Variants in IMMP2L observed in about 807,000 individuals in gnomAD.
The protein encoded by IMMP2L is mitochondrial inner membrane protease subunit 2.
In IMMP2L, 18 loss-of-function variants were observed where a neutral mutation model predicts 19.3. That is an observed-to-expected ratio of 0.93 (90% CI 0.64 to 1.38). The LOEUF (loss-of-function observed/expected upper bound fraction) is 1.38, where lower values mean the gene tolerates loss of function less well. IMMP2L is among the 40% of genes most tolerant of loss of function. The pLI is 0.00. For missense variants in IMMP2L, 233 were observed against 218.2 expected (o/e 1.07, Z -0.43); for synonymous variants, 76 against 73.0 (o/e 1.04, Z -0.21).
At chr7:110,974,056 G>A (rs1216232194) in intron 3 of IMMP2L, among the ~76,000 whole-genome samples, 3 of 152,068 alleles carry the variant, frequency 2.0e-5, no homozygotes, top group Non-Finnish European at 4.4e-5. Context: ...ACCATTAATA[G>A]TCCTCAAATA....
intron 3 of IMMP2L, among the ~76,000 whole-genome samples, chr7:111,284,717 G>C (rs111733749): frequency 0.016 from 2,449 of 152,258 alleles, 65 homozygotes; most frequent in African/African-American, 0.054. Flanking sequence ...TGTTGCCATA[G>C]AGGAAAGAAA....
In IMMP2L at chr7:111,113,915, C is replaced by T. The variant is rs903034441; in HGVS notation, c.240-150350G>A. On this transcript the variant is annotated intron_variant, in intron 3 of 5. Coordinates refer to ENST00000405709, the MANE Select transcript of IMMP2L (RefSeq NM_032549.4). Reference sequence around the variant, plus strand: ...ATGAGCTTTTAGAGACCAAAACTTACGAGAGAATAAGGAAAGCATATTTGG... The same window carrying T: ...ATGAGCTTTTAGAGACCAAAACTTATGAGAGAATAAGGAAAGCATATTTGG... 3.9e-5 allele frequency among the ~76,000 whole-genome samples: 6 copies of T among 152,198 alleles called. No individual in the cohort carries two copies. The South Asian group carries it at 6.2e-4, about 16-fold the overall frequency.
At chr7:110,768,358 T>G (rs998704072) in intron 5 of IMMP2L, among the ~76,000 whole-genome samples, 4 of 141,324 alleles carry the variant, frequency 2.8e-5, no homozygotes, top group East Asian at 2.1e-4. Flanking sequence ...AAGGCTGGAG[T>G]GATAAGAAGC....
At chr7:110,751,303 A>C (rs1797702537) in intron 5 of IMMP2L, among the ~76,000 whole-genome samples, 1 of 152,182 alleles carries the variant, frequency 6.6e-6, no homozygotes, top group East Asian at 1.9e-4. Context: ...AAATTTTAAA[A>C]AGAAAAATAT....
At chr7:110,916,213 G>C (rs2129549528) in intron 4 of IMMP2L, among the ~76,000 whole-genome samples, 1 of 152,318 alleles carries the variant, frequency 6.6e-6, no homozygotes, top group South Asian at 2.1e-4. Context: ...GATATTGGTA[G>C]TTGAAATGCA....
intron 5 of IMMP2L, among the ~76,000 whole-genome samples, chr7:110,873,502 G>A (rs532345759): frequency 1.3e-3 from 190 of 142,490 alleles, no homozygotes; most frequent in African/African-American, 4.7e-3. Flanking sequence ...GGTGGCTCAC[G>A]CCTTTAATCC....
chr7:111,322,647 TACA>T (rs1584620137), intron 3 of IMMP2L, among the ~76,000 whole-genome samples: 1 of 151,550 alleles, frequency 6.6e-6, no homozygotes, highest in East Asian at 1.9e-4. Context: ...AATACTAATA[TACA>T]AATACATTTA....
At chr7:111,437,704 T>C (rs961831834) in intron 3 of IMMP2L, among the ~76,000 whole-genome samples, 1 of 151,988 alleles carries the variant, frequency 6.6e-6, no homozygotes, top group African/African-American at 2.4e-5. Flanking sequence ...TATTTTTATC[T>C]GATATATTCC....
rs565484126 is a variant in IMMP2L, at chr7:111,297,762, C to T, written c.239+189476G>A. 4.6e-5 allele frequency among the ~76,000 whole-genome samples: 7 copies of T among 152,134 alleles called. No individual in the cohort carries two copies. In the South Asian group the frequency reaches 1.5e-3, roughly 32 times the overall value. ...AATGAACTAGTCATTCAAACAACAG[C>T]ATAAATGAGTCTCAAAAACAAGCTG... On this transcript the variant is annotated intron_variant, in intron 3 of 5. Transcript: ENST00000405709.
chr7:110,693,140 A>T (rs1793628630), intron 5 of IMMP2L, among the ~76,000 whole-genome samples: 1 of 152,228 alleles, frequency 6.6e-6, no homozygotes, highest in Non-Finnish European at 1.5e-5. Context: ...TCCGTTTGAG[A>T]CAAAGAATGA....
chr7:110,738,986 T>C (rs1796821870), intron 5 of IMMP2L, among the ~76,000 whole-genome samples: 5 of 152,136 alleles, frequency 3.3e-5, no homozygotes, highest in Admixed American at 3.3e-4. Flanking sequence ...GAAGGAAAGA[T>C]AGTCTTTTCC....
In IMMP2L at chr7:111,409,085, T is replaced by C. The variant is rs186810699; in HGVS notation, c.239+78153A>G. Among the ~76,000 whole-genome samples, 90 of 151,892 alleles carry C rather than the reference T, an allele frequency of 5.9e-4. 5 individuals are homozygous for C. The highest frequency in any genetic ancestry group is 2.0e-3 in the African/African-American group (84 of 41,306). On this transcript the variant is annotated intron_variant, in intron 3 of 5. Coordinates refer to ENST00000405709, the MANE Select transcript of IMMP2L (RefSeq NM_032549.4). ...GTTAAATTGTTTTTATTTAGAAATA[T>C]TTTGCATTTCCTCTATTATTCTTAA...
At chr7:110,797,751 T>C (rs548747809) in intron 5 of IMMP2L, among the ~76,000 whole-genome samples, 3 of 152,038 alleles carry the variant, frequency 2.0e-5, no homozygotes, top group Non-Finnish European at 2.9e-5. Context: ...TAGAGGAGAG[T>C]TGAAAAGTTA....
chr7:111,271,323 T>G (rs890142067), intron 3 of IMMP2L, among the ~76,000 whole-genome samples: 1 of 152,140 alleles, frequency 6.6e-6, no homozygotes, highest in South Asian at 2.1e-4. Context: ...CAGTCCTTTA[T>G]AGTACTGTGA....
At chr7:110,937,684 G>T (rs933528154) in intron 4 of IMMP2L, among the ~76,000 whole-genome samples, 1 of 152,048 alleles carries the variant, frequency 6.6e-6, no homozygotes, top group Non-Finnish European at 1.5e-5. Context: ...ATTATACTTC[G>T]CAAAGCCAGC....
rs1353122657 is a variant in IMMP2L at position 110,902,832 on chromosome 7, T to G, written c.306-16137A>C. 7.4e-5 allele frequency among the ~76,000 whole-genome samples: 6 copies of G among 81,502 alleles called. 2 individuals carry two copies. Among genetic ancestry groups the G allele is most frequent in the African/African-American group, 3.6e-4 (6 of 16,520 alleles). 53.5% of individuals were successfully genotyped at this position (81,502 alleles called of 152,430 possible). On this transcript the variant is annotated intron_variant, in intron 4 of 5. Transcript: ENST00000405709. ...CTGTAGTCCCAGCTACTTGGGAGGC[T>G]GAGGCAGGAGAATGGCGTGAACCCG...
chr7:110,930,852 T>C (rs571920455), intron 4 of IMMP2L, among the ~76,000 whole-genome samples: 1 of 152,314 alleles, frequency 6.6e-6, no homozygotes, highest in Non-Finnish European at 1.5e-5. Flanking sequence ...ATACCCTAAG[T>C]TCATGAAAAG....
intron 3 of IMMP2L, among the ~76,000 whole-genome samples, chr7:111,404,105 G>A (rs1833707460): frequency 1.3e-5 from 2 of 151,988 alleles, no homozygotes; most frequent in African/African-American, 4.8e-5. Flanking sequence ...TTATCTACTT[G>A]GCTAGAAAAC....
intron 3 of IMMP2L, chr7:111,124,754 A>G (rs149649658): frequency 8.7e-6 from 14 of 1,613,858 alleles, no homozygotes; most frequent in African/African-American, 4.0e-5. Context: ...GGACACAGCT[A>G]TGTGAGGAAT....
Sources: allele counts gnomAD v4.1 joint callset (sites outside exome capture counted in the v4.1 genomes callset), GRCh38; gene constraint gnomAD v4.1.1; transcripts MANE v1.5; gene names NCBI Gene and HGNC (gene_info 2026-07-23, HGNC 2026-07-21).